Variants in SGCZ observed in about 807,000 individuals in gnomAD.
SGCZ encodes the protein zeta-sarcoglycan.
In SGCZ, 40 loss-of-function variants were observed where a neutral mutation model predicts 41.3. That is an observed-to-expected ratio of 0.97 (90% CI 0.75 to 1.26). SGCZ has a LOEUF of 1.26. Among genes scored for constraint, SGCZ ranks in the 50% most tolerant of loss-of-function variants. The probability of loss-of-function intolerance (pLI) is 0.00; values close to 1 mark genes in which losing one functional copy is unlikely to be tolerated. For synonymous variants in SGCZ, 206 were observed against 137.5 expected (o/e 1.50, Z -3.49); for missense variants, 552 against 369.8 (o/e 1.49, Z -4.04).
At chr8:14,721,268 T>C (rs918033873) in intron 1 of SGCZ, among the ~76,000 whole-genome samples, 4 of 152,212 alleles carry the variant, frequency 2.6e-5, no homozygotes, top group African/African-American at 9.6e-5. Context: ...AAGCCATGCA[T>C]TTTGTATCTC....
At chr8:14,639,484 C>T (rs887075209) in intron 1 of SGCZ, among the ~76,000 whole-genome samples, 1 of 151,672 alleles carries the variant, frequency 6.6e-6, no homozygotes, top group African/African-American at 2.4e-5. Flanking sequence ...ATCACTCTTA[C>T]CGCATTTTCT....
chr8:15,187,291 T>C (rs1435432684), intron 1 of SGCZ, among the ~76,000 whole-genome samples: 4 of 152,142 alleles, frequency 2.6e-5, no homozygotes, highest in African/African-American at 9.6e-5. Flanking sequence ...AATGGTTATA[T>C]AATTCAAACG....
intron 1 of SGCZ, among the ~76,000 whole-genome samples, chr8:15,087,066 T>C (rs1401553816): frequency 7.9e-5 from 12 of 152,264 alleles, no homozygotes; most frequent in Non-Finnish European, 1.5e-5. Context: ...CTTTCTGCCA[T>C]GACTGTAGAA....
intron 2 of SGCZ, among the ~76,000 whole-genome samples, chr8:14,518,200 T>G (rs991801733): frequency 6.6e-6 from 1 of 152,028 alleles, no homozygotes; most frequent in Admixed American, 6.6e-5. Flanking sequence ...GGAAGATTTT[T>G]AATAAAATAA....
chr8:14,158,011 C>T (rs925278392), intron 5 of SGCZ, among the ~76,000 whole-genome samples: 30 of 152,128 alleles, frequency 2.0e-4, no homozygotes, highest in African/African-American at 6.7e-4. Flanking sequence ...GTGAAACCCC[C>T]GTCTCTACTA....
chr8:15,183,102 C>A (rs1800226074), intron 1 of SGCZ, among the ~76,000 whole-genome samples: 1 of 152,194 alleles, frequency 6.6e-6, no homozygotes, highest in Non-Finnish European at 1.5e-5. Context: ...CCTAGGATAA[C>A]AATGCCTTCT....
At chr8:15,009,073 T>C (rs925307099) in intron 1 of SGCZ, among the ~76,000 whole-genome samples, 4 of 152,174 alleles carry the variant, frequency 2.6e-5, no homozygotes, top group African/African-American at 9.7e-5. Flanking sequence ...GTCATTTATC[T>C]GAATCACAGT....
At chr8:14,654,155 C>A (rs950648257) in intron 1 of SGCZ, among the ~76,000 whole-genome samples, 2 of 151,224 alleles carry the variant, frequency 1.3e-5, no homozygotes, top group African/African-American at 4.9e-5. Flanking sequence ...TAGAAACCTA[C>A]TAAAATCCAT....
intron 1 of SGCZ, among the ~76,000 whole-genome samples, chr8:14,947,109 T>A (rs927467112): frequency 6.6e-6 from 1 of 151,970 alleles, no homozygotes; most frequent in Non-Finnish European, 1.5e-5. Context: ...ATCAATAGAG[T>A]TTAATCCAAC....
intron 2 of SGCZ, among the ~76,000 whole-genome samples, chr8:14,375,077 G>T (rs1804063558): frequency 6.6e-6 from 1 of 152,038 alleles, no homozygotes; most frequent in Non-Finnish European, 1.5e-5. Flanking sequence ...AGGGAATTGA[G>T]AGGCCAGAAA....
chr8:14,914,310 T>C (rs1799364343), intron 1 of SGCZ, among the ~76,000 whole-genome samples: 1 of 152,146 alleles, frequency 6.6e-6, no homozygotes. Context: ...GTCATAAATA[T>C]TTTAATTCAC....
At chr8:15,103,476 A>G (rs1463033227) in intron 1 of SGCZ, among the ~76,000 whole-genome samples, 1 of 152,050 alleles carries the variant, frequency 6.6e-6, no homozygotes, top group East Asian at 1.9e-4. Context: ...TAGAAGTAAA[A>G]TCTCTTGTAA....
intron 1 of SGCZ, among the ~76,000 whole-genome samples, chr8:15,213,250 T>G (rs1801294830): frequency 2.0e-5 from 3 of 151,940 alleles, no homozygotes; most frequent in Admixed American, 2.0e-4. Context: ...ACAAGAGTAA[T>G]CCTACCCCTC....
intron 1 of SGCZ, among the ~76,000 whole-genome samples, chr8:15,213,718 T>G (rs1801309274): frequency 6.6e-6 from 1 of 151,798 alleles, no homozygotes; most frequent in African/African-American, 2.4e-5. Context: ...GAAAAGATAT[T>G]TAACATAAAC....
chr8:15,063,986 A>T (rs549877621), intron 1 of SGCZ, among the ~76,000 whole-genome samples: 1 of 152,212 alleles, frequency 6.6e-6, no homozygotes, highest in African/African-American at 2.4e-5. Context: ...CCGATATTTT[A>T]TTCTGGTATT....
intron 2 of SGCZ, among the ~76,000 whole-genome samples, chr8:14,418,954 T>A (rs1372168305): frequency 3.3e-5 from 5 of 151,980 alleles, no homozygotes; most frequent in Non-Finnish European, 7.4e-5. Context: ...AATAGTCACC[T>A]GTATCTTCAT....
chr8:15,021,770 G>C (rs1803257323), intron 1 of SGCZ, among the ~76,000 whole-genome samples: 1 of 152,060 alleles, frequency 6.6e-6, no homozygotes, highest in South Asian at 2.1e-4. Flanking sequence ...CTAGCCAAAT[G>C]GTCTATATTT....
At chr8:15,037,608 T>C (rs1429502953) in intron 1 of SGCZ, among the ~76,000 whole-genome samples, 1 of 152,136 alleles carries the variant, frequency 6.6e-6, no homozygotes, top group Non-Finnish European at 1.5e-5. Context: ...AACATATTAC[T>C]GAAAGTACTA....
rs770210347 is a variant in SGCZ, at chr8:15,076,998, G to A, written c.39+160587C>T. 3.9e-5 allele frequency among the ~76,000 whole-genome samples: 6 copies of A among 152,074 alleles called. 1 individual carries two copies. Among genetic ancestry groups the A allele is most frequent in the Admixed American group, 1.3e-4 (2 of 15,262 alleles). On this transcript the variant is annotated intron_variant, in intron 1 of 7. Coordinates refer to ENST00000382080, the MANE Select transcript of SGCZ (RefSeq NM_139167.4). ...TTGCGCTTTTCTACATAATTGCAGC[G>A]TGTCTCAAATAGGGTTTTAAGTTAC...
Sources: allele counts gnomAD v4.1 joint callset (sites outside exome capture counted in the v4.1 genomes callset), GRCh38; gene constraint gnomAD v4.1.1; transcripts MANE v1.5; gene names NCBI Gene and HGNC (gene_info 2026-07-23, HGNC 2026-07-21).